RBFOX1: variants seen among roughly 807,000 people sequenced by gnomAD.
RBFOX1 encodes the protein RNA binding fox-1 homolog 1.
RBFOX1 carries 8 observed loss-of-function variants against 57.7 expected under a neutral mutation model. The observed-to-expected ratio is 0.14, with a 90% CI of 0.08 to 0.25. The LOEUF (loss-of-function observed/expected upper bound fraction) is 0.25. Ranked by LOEUF, RBFOX1 falls within the 10% of genes least tolerant of loss-of-function variation. The probability of loss-of-function intolerance (pLI) is 1.00; values close to 1 mark genes in which losing one functional copy is unlikely to be tolerated. For synonymous variants in RBFOX1, 326 were observed against 222.4 expected (o/e 1.47, Z -4.15); for missense variants, 611 against 548.5 (o/e 1.11, Z -1.14).
In RBFOX1 at chr16:5,432,564, T is replaced by G. The variant is rs972532988; in HGVS notation, c.220-34652T>G. 3.8e-4 allele frequency among the ~76,000 whole-genome samples: 57 copies of G among 148,438 alleles called. No homozygotes were observed. In the East Asian group the frequency reaches 3.9e-3, roughly 10 times the overall value. On this transcript the variant is annotated intron_variant, in intron 1 of 2. Coordinates refer to the RBFOX1 transcript ENST00000585867. ...TTTTTTTTTTTTGTTTGTTTGTTTT[T>G]TTTTTTTTTTGGTTTTTCACTCTTT...
chr16:5,710,128 T>C (rs1167057814), intron 3 of RBFOX1, among the ~76,000 whole-genome samples: 1 of 151,766 alleles, frequency 6.6e-6, no homozygotes, highest in Non-Finnish European at 1.5e-5. Flanking sequence ...TGTGAGAGAT[T>C]ATAAGCTCCC....
chr16:7,648,046 G>A (rs1568269831), intron 11 of RBFOX1, among the ~76,000 whole-genome samples: 1 of 152,068 alleles, frequency 6.6e-6, no homozygotes, highest in Admixed American at 6.6e-5. Context: ...CACACCTGTA[G>A]GCAAATAATA....
rs140112535 is a variant in RBFOX1, at chr16:7,523,744, G to T, written c.270+5355G>T. ...GCGGGAATCATAAAGGGGCTGTCTC[G>T]TTTTTTGTTACAAACAATTACATCT... On this transcript the variant is annotated intron_variant, in intron 5 of 15. Coordinates refer to ENST00000550418, the MANE Select transcript of RBFOX1 (RefSeq NM_018723.4). 2.0e-5 allele frequency among the ~76,000 whole-genome samples: 3 copies of T among 152,114 alleles called. No homozygotes were observed. In the South Asian group the frequency reaches 6.2e-4, roughly 32 times the overall value.
chr16:6,998,021 C>T (rs902331321), intron 3 of RBFOX1, among the ~76,000 whole-genome samples: 30 of 151,678 alleles, frequency 2.0e-4, no homozygotes, highest in Non-Finnish European at 3.7e-4. Flanking sequence ...AAGGTAAATG[C>T]CGTTCTTTTG....
rs570261684 is a variant in RBFOX1, at chr16:6,910,042, C to G, written c.-15-142015C>G. Among the ~76,000 whole-genome samples the G allele has an allele frequency of 5.3e-5, 8 of 152,188 alleles. No homozygotes were observed. The Middle Eastern group carries it at 0.017, about 324-fold the overall frequency. On this transcript the variant is annotated intron_variant, in intron 3 of 15. Coordinates refer to ENST00000550418, the MANE Select transcript of RBFOX1 (RefSeq NM_018723.4). ...TACCTCTTGTTCATTACTCTTACCT[C>G]TACAGGCTACAAGTCTCCTAGGAAG... is the stretch of plus-strand genomic sequence containing the variant.
rs962622304 is a variant in RBFOX1, at chr16:6,252,190, C to T, written c.-126-64805C>T. Reference sequence around the variant, plus strand: ...TGGTTTTGCGTCCCTGCACCCATCCCGCAACTTGATAGAAAAGGCAGAGAG... The same window carrying T: ...TGGTTTTGCGTCCCTGCACCCATCCTGCAACTTGATAGAAAAGGCAGAGAG... On this transcript the variant is annotated intron_variant, in intron 1 of 15. Transcript: ENST00000550418. Among the ~76,000 whole-genome samples the T allele has an allele frequency of 7.2e-5, 11 of 152,078 alleles. No homozygotes were observed. The East Asian group carries it at 1.9e-3, about 27-fold the overall frequency.
At chr16:7,683,948 A>C (rs992808157) in intron 14 of RBFOX1, among the ~76,000 whole-genome samples, 1 of 152,118 alleles carries the variant, frequency 6.6e-6, no homozygotes, top group African/African-American at 2.4e-5. Flanking sequence ...AAACCGCTCC[A>C]CTTTGTTACG....
chr16:5,265,669 A>G (rs1003534128), intron 1 of RBFOX1, among the ~76,000 whole-genome samples: 1 of 152,234 alleles, frequency 6.6e-6, no homozygotes, highest in Non-Finnish European at 1.5e-5. Context: ...TGAGTAAAGC[A>G]AAAATCCATC....
intron 4 of RBFOX1, among the ~76,000 whole-genome samples, chr16:7,110,295 A>G (rs1216652254): frequency 6.6e-6 from 1 of 151,978 alleles, no homozygotes; most frequent in Non-Finnish European, 1.5e-5. Context: ...TAGGAGTTTC[A>G]GGCTGTGGTG....
intron 3 of RBFOX1, among the ~76,000 whole-genome samples, chr16:6,887,488 A>G (rs1227652442): frequency 1.3e-5 from 2 of 152,082 alleles, no homozygotes; most frequent in Non-Finnish European, 2.9e-5. Flanking sequence ...GGCTTTTTCT[A>G]TCCCTGGAAT....
At chr16:7,250,574 C>T (rs1344393388) in intron 4 of RBFOX1, among the ~76,000 whole-genome samples, 1 of 152,202 alleles carries the variant, frequency 6.6e-6, no homozygotes, top group African/African-American at 2.4e-5. Flanking sequence ...AAGGCAAAGA[C>T]TAAGAGTATA....
intron 4 of RBFOX1, among the ~76,000 whole-genome samples, chr16:7,261,096 A>G (rs1354274423): frequency 6.6e-6 from 1 of 152,292 alleles, no homozygotes; most frequent in Non-Finnish European, 1.5e-5. Flanking sequence ...TGGAGGGACA[A>G]TGGCATCAAG....
intron 3 of RBFOX1, among the ~76,000 whole-genome samples, chr16:6,991,534 TC>T (rs1399056461): frequency 9.9e-5 from 15 of 152,268 alleles, no homozygotes; most frequent in African/African-American, 3.6e-4. Flanking sequence ...AAATGTTTTT[TC>T]TTTTTGTTGT....
chr16:5,808,581 C>G (rs2055311599), intron 3 of RBFOX1, among the ~76,000 whole-genome samples: 2 of 152,082 alleles, frequency 1.3e-5, no homozygotes, highest in African/African-American at 2.4e-5. Context: ...TGTTTGTATC[C>G]TCTTTTATTT....
At chr16:6,581,330 C>A (rs575664582) in intron 2 of RBFOX1, among the ~76,000 whole-genome samples, 26 of 152,300 alleles carry the variant, frequency 1.7e-4, no homozygotes, top group South Asian at 1.5e-3. Context: ...ATGAACCCAG[C>A]ACCCTTGCCT....
chr16:6,852,098 G>T (rs908838271), intron 3 of RBFOX1, among the ~76,000 whole-genome samples: 5 of 152,102 alleles, frequency 3.3e-5, no homozygotes, highest in African/African-American at 1.2e-4. Flanking sequence ...TACCACAGAT[G>T]TGGTGGCTTA....
intron 2 of RBFOX1, among the ~76,000 whole-genome samples, chr16:5,522,621 G>C (rs181446778): frequency 3.5e-4 from 53 of 152,180 alleles, no homozygotes; most frequent in Non-Finnish European, 5.6e-4. Context: ...CTCTGCCATG[G>C]AAGATGAGAT....
rs1004323054 is a variant in RBFOX1, at chr16:5,449,185, C to T, written c.220-18031C>T. On this transcript the variant is annotated intron_variant, in intron 1 of 2. Transcript: ENST00000585867. ...CATCCCCTGCCCAAAGCCCCACTCC[C>T]GACAAGGCATCAGAGCCCTGCAGTC... Among the ~76,000 whole-genome samples, 6 of 152,142 alleles carry T rather than the reference C, an allele frequency of 3.9e-5. 1 individual carries two copies. The highest frequency in any genetic ancestry group is 1.2e-4 in the African/African-American group (5 of 41,430).
chr16:6,579,058 T>C (rs2153969642), intron 2 of RBFOX1, among the ~76,000 whole-genome samples: 1 of 152,220 alleles, frequency 6.6e-6, no homozygotes, highest in South Asian at 2.1e-4. Flanking sequence ...AAATAACAAA[T>C]AATTTTTGAA....
Sources: gnomAD v4.1 joint callset for allele counts (sites outside exome capture counted in the v4.1 genomes callset) on GRCh38, gnomAD v4.1.1 for gene constraint, MANE v1.5 for transcripts, NCBI Gene and HGNC (gene_info 2026-07-23, HGNC 2026-07-21) for gene names.